Variants in DYRK1B observed in about 807,000 individuals in gnomAD.
DYRK1B encodes the protein dual specificity tyrosine phosphorylation regulated kinase 1B, also known as dual specificity tyrosine-phosphorylation-regulated kinase 1B.
DYRK1B carries 20 observed loss-of-function variants against 57.1 expected under a neutral mutation model. The ratio of observed to expected loss-of-function variants is 0.35; its 90% CI spans 0.25 to 0.51. DYRK1B has a LOEUF of 0.51. Among genes scored for constraint, DYRK1B ranks in the 20% least tolerant of loss-of-function variants. The probability of loss-of-function intolerance (pLI) is 0.96; values close to 1 mark genes in which losing one functional copy is unlikely to be tolerated. For missense variants in DYRK1B, 732 were observed against 886.3 expected, an observed-to-expected ratio of 0.83 and a Z score of 2.21; for synonymous variants, 409 against 384.7, an observed-to-expected ratio of 1.06 and a Z score of -0.74.
chr19:39,825,969 G>A lies in DYRK1B; in HGVS notation c.1636C>T (p.Pro546Ser). The change falls in exon 11 of 11, where the codon CCC becomes TCC. Residue 546 changes from proline to serine, a missense_variant. By Grantham distance (74) the Pro-to-Ser change is moderately conservative. Around this residue, in one of 2 missense-constraint regions of DYRK1B, gnomAD observed 222 missense variants for 205.0 expected, o/e 1.08. Transcript: ENST00000323039. ...PGTGAQLPPQ[P>S]RYLGRPPSPT... ...GATGGGGGACGACCAAGGTATCGGG[G>A]CTGGGGGGGTAACTGGGCCCCGGTC... is the stretch of plus-strand genomic sequence containing the variant. The A allele has an allele frequency of 6.5e-7, 1 of 1,528,088 alleles. No individual in the cohort carries two copies. The highest frequency in any genetic ancestry group is 2.2e-5 in the Admixed American group (1 of 46,412). 94.7% of individuals were successfully genotyped at this position (1,528,088 alleles called of 1,614,324 possible).
chr19:39,828,262 A>G lies in DYRK1B; in HGVS notation c.807+35T>C, dbSNP rs1452718769. The G allele has an allele frequency of 1.9e-6, 3 of 1,605,498 alleles. No individual in the cohort carries two copies. Among genetic ancestry groups the G allele is most frequent in the East Asian group, 2.2e-5 (1 of 44,812 alleles). ...CCGTTGGCTCTGCCCCACCCAAACT[A>G]CTAGCCGTGCTCCCAGGACCGGGCC... On this transcript the variant is annotated intron_variant, in intron 6 of 10. Transcript: ENST00000323039. This position sits in a 1 kb window ranked among gnomAD's most constrained non-coding sequence, Gnocchi z 4.3.
Position 39,826,816 on chromosome 19 carries a change from G to A in DYRK1B, c.1267C>T (p.Leu423=), listed in dbSNP as rs1255395929. Residue 423 remains leucine, a synonymous_variant, in exon 9 of 11, where the codon CTG becomes TTG. Transcript: ENST00000323039. This position sits in a 1 kb window ranked among gnomAD's most constrained non-coding sequence, Gnocchi z 6.3. The part of the protein sequence containing the change: ...EYEPAARISP[L]GALQHGFFRR... ...AAGAAGCCGTGCTGCAGAGCCCCCA[G>A]GGGGCTGATGCGGGCGGCGGGCTCA... The A allele has an allele frequency of 1.3e-6, 2 of 1,512,454 alleles. No individual in the cohort carries two copies. Among genetic ancestry groups the A allele is most frequent in the South Asian group, 1.2e-5 (1 of 80,026 alleles). The allele number at this position is 1,512,454 out of a possible 1,614,324, so 93.7% of individuals were successfully genotyped here. A position where few individuals can be genotyped will look rare whatever the true frequency, so the allele number is the denominator to read the frequency against.
intron 4 of DYRK1B, 145 bp downstream of exon 4, chr19:39,830,230 T>G (rs1968743603): frequency 1.6e-6 from 2 of 1,218,182 alleles, no homozygotes; most frequent in Non-Finnish European, 2.3e-6. Flanking sequence ...ATTTAAACTG[T>G]TTTACAGAAA....
chr19:39,830,745 G>C lies in DYRK1B; in HGVS notation c.102C>G (p.Pro34=). ...PDVRLLPRRL[P]LAFRDATSAP... is the part of the protein sequence containing the mutation. ...CTGAGGTTGCATCCCGGAAGGCCAGGGGCAGCCTCCGAGGCAGTAGCCGCA... is the reference window on the plus strand; with the variant it reads ...CTGAGGTTGCATCCCGGAAGGCCAGCGGCAGCCTCCGAGGCAGTAGCCGCA... Residue 34 remains proline (P), a synonymous_variant, in exon 3 of 11, where the codon CCC becomes CCG. Transcript: ENST00000323039. The C allele has an allele frequency of 6.2e-7, 1 of 1,614,076 alleles. No homozygotes were observed. The highest frequency in any genetic ancestry group is 8.5e-7 in the Non-Finnish European group (1 of 1,180,012).
chr19:39,827,720 G>A, intron 6 of DYRK1B, 64 bp from the exon 7 acceptor site: 1 of 1,573,260 alleles, frequency 6.4e-7, no homozygotes, highest in South Asian at 1.1e-5. Flanking sequence ...CACCCCCAAA[G>A]CTAAGAGGAC....
chr19:39,825,639 A>C lies in DYRK1B; in HGVS notation c.*76T>G. ...TAGCAGCAATTCCAGTCAAGGAGAG[A>C]GATGAGGATGGGAGCCCAGGGCCCC... On this transcript the variant is annotated 3_prime_UTR_variant, in exon 11 of 11. Coordinates refer to ENST00000323039, the MANE Select transcript of DYRK1B (RefSeq NM_004714.3). 1 of 1,425,798 alleles carries C rather than the reference A, an allele frequency of 7.0e-7. No homozygotes were observed. The highest frequency in any genetic ancestry group is 9.5e-7 in the Non-Finnish European group (1 of 1,049,488). The allele number at this position is 1,425,798 out of a possible 1,614,324, so 88.3% of individuals were successfully genotyped here. A position where few individuals can be genotyped will look rare whatever the true frequency, so the allele number is the denominator to read the frequency against.
Position 39,828,214 on chromosome 19 carries a change from G to A in DYRK1B, c.807+83C>T. The A allele has an allele frequency of 6.8e-7, 1 of 1,476,190 alleles. No individual in the cohort carries two copies. The highest frequency in any genetic ancestry group is 9.2e-7 in the Non-Finnish European group (1 of 1,088,608). The allele number at this position is 1,476,190 out of a possible 1,614,324, so 91.4% of individuals were successfully genotyped here. A position where few individuals can be genotyped will look rare whatever the true frequency, so the allele number is the denominator to read the frequency against. ...CACGGCTCCTAATAATCCCATCCCAGCCAAGCCCCGCCCCTAAGCCTCCCG... is the reference window on the plus strand; with the variant it reads ...CACGGCTCCTAATAATCCCATCCCAACCAAGCCCCGCCCCTAAGCCTCCCG... On this transcript the variant is annotated intron_variant, in intron 6 of 10. Coordinates refer to ENST00000323039, the MANE Select transcript of DYRK1B (RefSeq NM_004714.3). This position sits in a 1 kb window ranked among gnomAD's most constrained non-coding sequence, Gnocchi z 4.3.
Position 39,825,705 on chromosome 19 carries a change from G to C in DYRK1B, c.*10C>G. ...ATGGCTTCAGGAGGGGCCCCAGGGA[G>C]GGGGCAGGGTCACGAGCTGGCTGCT... On this transcript the variant is annotated 3_prime_UTR_variant, in exon 11 of 11. Coordinates refer to ENST00000323039, the MANE Select transcript of DYRK1B (RefSeq NM_004714.3). 6.5e-7 allele frequency: 1 copy of C among 1,546,358 alleles called. No homozygotes were observed. Among genetic ancestry groups the C allele is most frequent in the African/African-American group, 1.4e-5 (1 of 73,146 alleles).
rs746727697 is a variant in DYRK1B, at chr19:39,826,661, T to G, written c.1411+11A>C. The G allele has an allele frequency of 1.6e-5, 25 of 1,591,312 alleles. No homozygotes were observed. The highest frequency in any genetic ancestry group is 2.1e-5 in the Non-Finnish European group (24 of 1,170,728). ...ACCCGTTGTACCCCATTTGGGCACCTGGGCACCCACCAGAACTGGAGATGG... is the reference window on the plus strand; with the variant it reads ...ACCCGTTGTACCCCATTTGGGCACCGGGGCACCCACCAGAACTGGAGATGG... On this transcript the variant is annotated intron_variant, in intron 9 of 10. Coordinates refer to ENST00000323039, the MANE Select transcript of DYRK1B (RefSeq NM_004714.3). This position sits in a 1 kb window ranked among gnomAD's most constrained non-coding sequence, Gnocchi z 6.3.
At chr19:39,831,764 CCCCTA>C in intron 2 of DYRK1B, 36 bp downstream of exon 2, 1 of 1,549,138 alleles carries the variant, frequency 6.5e-7, no homozygotes, top group South Asian at 1.2e-5. Flanking sequence ...CCCCAGCCTC[CCCCTA>C]CCACCACGCA....
intron 1 of DYRK1B, chr19:39,833,465 G>T: frequency 2.0e-6 from 1 of 498,144 alleles, no homozygotes; most frequent in Non-Finnish European, 2.6e-6. Flanking sequence ...CACTGCCACC[G>T]GGGGCGGGGA....
At chr19:39,830,834 C>T (rs766136186) in intron 2 of DYRK1B, 51 bp from the exon 3 acceptor site, 1 of 1,560,372 alleles carries the variant, frequency 6.4e-7, no homozygotes, top group Non-Finnish European at 8.7e-7. Context: ...TCACCTCCGA[C>T]CTCAAGAGGA....
In DYRK1B at chr19:39,826,524, T is replaced by A; in HGVS notation, c.1411+148A>T. 1 of 1,012,174 alleles carries A rather than the reference T, an allele frequency of 9.9e-7. No individual in the cohort carries two copies. Among genetic ancestry groups the A allele is most frequent in the Non-Finnish European group, 1.4e-6 (1 of 728,018 alleles). The allele number at this position is 1,012,174 out of a possible 1,614,324, so 62.7% of individuals were successfully genotyped here. On this transcript the variant is annotated intron_variant, in intron 9 of 10. Transcript: ENST00000323039. The surrounding 1 kb of genome is among the most constrained non-coding windows in gnomAD (Gnocchi z 6.3). ...ATTTCAGTGATTGTGTCAGGGCCAG[T>A]TGGAGCTCTCCCATCCCACACGTCA... is the stretch of plus-strand genomic sequence containing the variant.
Position 39,830,564 on chromosome 19 carries a change from C to T in DYRK1B, c.184-1G>A. The T allele has an allele frequency of 6.2e-7, 1 of 1,614,112 alleles. No homozygotes were observed. Among genetic ancestry groups the T allele is most frequent in the Non-Finnish European group, 8.5e-7 (1 of 1,180,000 alleles). On this transcript the variant is annotated splice_acceptor_variant, in intron 3 of 10. Coordinates refer to ENST00000323039, the MANE Select transcript of DYRK1B (RefSeq NM_004714.3). LOFTEE classifies it high-confidence loss of function. Reference sequence around the variant, plus strand: ...GCCGCTTCTTCTTCGCATAGTATACCTGCCCAGCCAGCCAGCCAGGAGATG... The same window carrying T: ...GCCGCTTCTTCTTCGCATAGTATACTTGCCCAGCCAGCCAGCCAGGAGATG...
chr19:39,826,727 G>T lies in DYRK1B; in HGVS notation c.1356C>A (p.Pro452=). 6.2e-7 allele frequency: 1 copy of T among 1,602,030 alleles called. No homozygotes were observed. The highest frequency in any genetic ancestry group is 1.1e-5 in the South Asian group (1 of 88,934). Residue 452 remains proline (P), a synonymous_variant, in exon 9 of 11, where the codon CCC becomes CCA. Coordinates refer to ENST00000323039, the MANE Select transcript of DYRK1B (RefSeq NM_004714.3). The surrounding 1 kb of genome is among the most constrained non-coding windows in gnomAD (Gnocchi z 6.3). ...AAGAGGGGCAGGTGTCGAGGGGCGC[G>T]GGCGAGGTGGAGGCACTGCTGCCTG... ...GPAGSSASTS[P]APLDTCPSSS... is the part of the protein sequence containing the mutation.
rs200681061 is a variant in DYRK1B, at chr19:39,825,821, C to T, written c.1784G>A (p.Arg595Gln). 1.1e-4 allele frequency: 184 copies of T among 1,607,458 alleles called. No homozygotes were observed. Among genetic ancestry groups the T allele is most frequent in the East Asian group, 6.7e-4 (30 of 44,610 alleles). ...GAGGGGTGGACGACCTCCAGTCATC[C>T]GAGTCCGGAGGGCTGAGGCAGCCGG... ...QHPAASALRT[R>Q]MTGGRPPLPP... The change falls in exon 11 of 11, where the codon CGG (arginine) becomes CAG (glutamine). Residue 595 changes from arginine to glutamine, a missense_variant. By Grantham distance (43) the Arg-to-Gln change is conservative (BLOSUM62 1). Coordinates refer to ENST00000323039, the MANE Select transcript of DYRK1B (RefSeq NM_004714.3).
At position 39,828,591 on chromosome 19, in the gene DYRK1B, G is replaced by A. The variant is rs746160700; in HGVS notation, c.521-8C>T. The A allele has an allele frequency of 5.6e-6, 9 of 1,601,332 alleles. No individual in the cohort carries two copies. Among genetic ancestry groups the A allele is most frequent in the African/African-American group, 4.0e-5 (3 of 74,698 alleles). The stretch of plus-strand genomic sequence containing the variant: ...AGTGCCGCTTCAGGTGTACTGCGGG[G>A]GAGGGGAGGAAATGGGCCAGAGAAG... On this transcript the variant is annotated splice_region_variant and splice_polypyrimidine_tract_variant and intron_variant, in intron 5 of 10. Transcript: ENST00000323039. This position sits in a 1 kb window ranked among gnomAD's most constrained non-coding sequence, Gnocchi z 4.3.
intron 5 of DYRK1B, chr19:39,829,607 T>A: frequency 2.9e-6 from 1 of 341,514 alleles, no homozygotes; most frequent in Non-Finnish European, 5.3e-6. Flanking sequence ...ATAATGCCCT[T>A]CCCCTTATGG....
At chr19:39,833,322 G>A in intron 1 of DYRK1B, 1 of 985,614 alleles carries the variant, frequency 1.0e-6, no homozygotes, top group Non-Finnish European at 1.2e-6. Flanking sequence ...GGGGCCCCCA[G>A]TGGGGTGGGC....
Sources: gnomAD v4.1 joint callset for allele counts on GRCh38, gnomAD v4.1.1 for gene constraint, gnomAD v4.1.1 regional missense constraint, Gnocchi (gnomAD v3.1) non-coding constraint, MANE v1.5 for transcripts, NCBI Gene and HGNC (gene_info 2026-07-23, HGNC 2026-07-21) for gene names.